Variants in NUP210 observed in about 807,000 individuals in gnomAD.
The protein encoded by NUP210 is nuclear pore membrane glycoprotein 210.
NUP210 carries 151 observed loss-of-function variants against 196.0 expected under a neutral mutation model. That is an observed-to-expected ratio of 0.77 (90% CI 0.67 to 0.88). The LOEUF (loss-of-function observed/expected upper bound fraction) is 0.88, where lower values mean the gene tolerates loss of function less well. Among genes scored for constraint, NUP210 ranks in the 40% least tolerant of loss-of-function variants. The pLI is 0.00. For missense variants in NUP210, 2,314 were observed against 2,493.7 expected (o/e 0.93, Z 1.53); for synonymous variants, 1,070 against 1,052.7 (o/e 1.02, Z -0.32).
At chr3:13,358,892 C>T (rs914749754) in intron 15 of NUP210, among the ~76,000 whole-genome samples, 5 of 152,182 alleles carry the variant, frequency 3.3e-5, no homozygotes, top group African/African-American at 9.7e-5. Flanking sequence ...GCCTGCCCTC[C>T]GCCTGCTCAT....
At chr3:13,380,743 G>A (rs938583829) in intron 6 of NUP210, among the ~76,000 whole-genome samples, 1 of 152,178 alleles carries the variant, frequency 6.6e-6, no homozygotes, top group Non-Finnish European at 1.5e-5. Flanking sequence ...CCCATAGAGG[G>A]TGCCAGGTCA....
At chr3:13,387,577 C>T (rs75596572) in intron 5 of NUP210, among the ~76,000 whole-genome samples, 1,726 of 152,340 alleles carry the variant, frequency 0.011, 12 homozygotes, top group South Asian at 0.057. Context: ...AGGATTTCTC[C>T]GTCTGCCACT....
Position 13,325,612 on chromosome 3 carries a change from A to C in NUP210, c.4644+183T>G, listed in dbSNP as rs74857870. 6.4e-4 allele frequency among the ~76,000 whole-genome samples: 98 copies of C among 152,262 alleles called. 4 individuals are homozygous for C. In the East Asian group the frequency reaches 0.016, roughly 25 times the overall value. On this transcript the variant is annotated intron_variant, in intron 33 of 39. Coordinates refer to ENST00000254508, the MANE Select transcript of NUP210 (RefSeq NM_024923.4). ...GAACATGGGGAGACTGAAGCCTGGA[A>C]AAAAAAGGGAGCTTGTCCCCATGTC...
intron 1 of NUP210, among the ~76,000 whole-genome samples, chr3:13,410,426 C>T (rs887547873): frequency 2.6e-5 from 4 of 151,364 alleles, no homozygotes; most frequent in African/African-American, 7.3e-5. Flanking sequence ...GATCCGCCCA[C>T]CTTGGCCTCC....
chr3:13,344,628 C>T (rs1342363829), intron 20 of NUP210, among the ~76,000 whole-genome samples: 1 of 152,226 alleles, frequency 6.6e-6, no homozygotes, highest in Non-Finnish European at 1.5e-5. Flanking sequence ...ATCAACCCCT[C>T]AACAGCTGCC....
intron 3 of NUP210, among the ~76,000 whole-genome samples, chr3:13,394,250 AG>A (rs1197216019): frequency 6.6e-6 from 1 of 152,190 alleles, no homozygotes; most frequent in Non-Finnish European, 1.5e-5. Context: ...AAAGGTGAGG[AG>A]GGGGCATCTT....
intron 12 of NUP210, among the ~76,000 whole-genome samples, chr3:13,372,526 CCA>C (rs1698765464): frequency 6.6e-6 from 1 of 152,120 alleles, no homozygotes; most frequent in Non-Finnish European, 1.5e-5. Flanking sequence ...TTGGAAAGCC[CCA>C]GAGAGAGATG....
Position 13,343,318 on chromosome 3 carries a change from C to CG in NUP210, c.2836-16dup. ...AAAGGGTGCACCTGCAAGGTTGGGG[C>CG]GGAGGTGGAGGGGTGGGTGGTGGGT... On this transcript the variant is annotated splice_polypyrimidine_tract_variant and intron_variant, in intron 20 of 39. Coordinates refer to ENST00000254508, the MANE Select transcript of NUP210 (RefSeq NM_024923.4). 2.0e-5 allele frequency: 4 copies of CG among 199,144 alleles called. No individual in the cohort carries two copies. Among genetic ancestry groups the CG allele is most frequent in the South Asian group, 7.8e-5 (2 of 25,668 alleles). 12.3% of individuals were successfully genotyped at this position (199,144 alleles called of 1,614,324 possible).
chr3:13,375,626 T>A lies in NUP210; in HGVS notation c.1309A>T (p.Ile437Leu), dbSNP rs112846887. 1,002 of 1,613,814 alleles carry A rather than the reference T, an allele frequency of 6.2e-4. 2 individuals carry two copies. Among genetic ancestry groups the A allele is most frequent in the Non-Finnish European group, 3.9e-4 (463 of 1,179,984 alleles). The change falls in exon 11 of 40, where the codon ATA (isoleucine) becomes TTA (leucine). Residue 437 changes from isoleucine to leucine, a missense_variant. Physicochemically the swap from Ile to Leu is conservative, Grantham distance 5 (BLOSUM62 2). Transcript: ENST00000254508. Reference sequence around the variant, plus strand: ...TGGTTCCACACAGGCACCTGTAGTATGTGGACCCCTCCATCCTACAAGGGG... The same window carrying A: ...TGGTTCCACACAGGCACCTGTAGTAAGTGGACCCCTCCATCCTACAAGGGG... ...SVVDQDGGVH[I>L]LQVPVWNQQE... is the part of the protein sequence containing the mutation.
intron 12 of NUP210, among the ~76,000 whole-genome samples, chr3:13,373,191 G>C (rs1446030339): frequency 6.6e-6 from 1 of 152,206 alleles, no homozygotes; most frequent in African/African-American, 2.4e-5. Flanking sequence ...GCCACAGGTG[G>C]GGCTGGCAGA....
chr3:13,321,677 A>G lies in NUP210; in HGVS notation c.5074T>C (p.Phe1692Leu), dbSNP rs200164609. 1.2e-6 allele frequency: 2 copies of G among 1,614,152 alleles called. No individual in the cohort carries two copies. Among genetic ancestry groups the G allele is most frequent in the African/African-American group, 2.7e-5 (2 of 75,050 alleles). The change falls in exon 36 of 40, where the codon TTC becomes CTC. Residue 1692 changes from phenylalanine to leucine, a missense_variant. Physicochemically the swap from Phe to Leu is conservative, Grantham distance 22. Transcript: ENST00000254508. ...GAEVPFSPGL[F>L]ADQAEILLSN... ...AAAAGGATTTCAGCCTGGTCGGCGA[A>G]GAGACCTGGGCTGAAGGGCACCTCG...
At chr3:13,326,585 A>G (rs192877420) in intron 32 of NUP210, among the ~76,000 whole-genome samples, 58 of 152,368 alleles carry the variant, frequency 3.8e-4, no homozygotes, top group Admixed American at 2.6e-3. Context: ...TAAGTAAATA[A>G]TTGTACACGT....
chr3:13,320,254 G>T (rs184444489), intron 36 of NUP210, among the ~76,000 whole-genome samples: 30 of 152,260 alleles, frequency 2.0e-4, no homozygotes, highest in Non-Finnish European at 3.7e-4. Flanking sequence ...CCATACTCAG[G>T]GTGTTTTTTG....
At chr3:13,415,340 C>A (rs9817766) in intron 1 of NUP210, among the ~76,000 whole-genome samples, 1 of 152,108 alleles carries the variant, frequency 6.6e-6, no homozygotes, top group Non-Finnish European at 1.5e-5. Flanking sequence ...TCAGGCAGGA[C>A]GGGTCTTCAC....
At chr3:13,335,140 G>C (rs1697157668) in intron 28 of NUP210, among the ~76,000 whole-genome samples, 1 of 152,236 alleles carries the variant, frequency 6.6e-6, no homozygotes, top group Non-Finnish European at 1.5e-5. Flanking sequence ...CAGACACAGT[G>C]AGCCCCAAGC....
At chr3:13,388,645 C>T (rs1382796106) in intron 4 of NUP210, among the ~76,000 whole-genome samples, 192 bp from the exon 5 acceptor site, 2 of 152,370 alleles carry the variant, frequency 1.3e-5, no homozygotes, top group South Asian at 2.1e-4. Context: ...TGCCAAAGTC[C>T]TTGTGAAAAA....
chr3:13,363,381 C>G (rs1279431110), intron 14 of NUP210, among the ~76,000 whole-genome samples: 1 of 152,212 alleles, frequency 6.6e-6, no homozygotes, highest in Non-Finnish European at 1.5e-5. Flanking sequence ...TGTATCTTGC[C>G]AAAGACATTT....
At chr3:13,399,214 C>A (rs1326756220) in intron 2 of NUP210, among the ~76,000 whole-genome samples, 2 of 135,750 alleles carry the variant, frequency 1.5e-5, no homozygotes, top group Non-Finnish European at 3.0e-5. Context: ...TGCAGTGAGC[C>A]AAGATCGCGC....
Position 13,340,253 on chromosome 3 carries a change from T to C in NUP210, c.3274A>G (p.Ile1092Val), listed in dbSNP as rs755742525. The part of the protein sequence containing the change: ...RLMPRKVTLL[I>V]GATMQVTSEG... ...GCTCTCACCTGCATCGTGGCCCCGA[T>C]AAGCAGTGTCACCTTCCTGGGCATC... Residue 1092 changes from isoleucine to valine, a missense_variant, in exon 24 of 40, where the codon ATC (isoleucine) becomes GTC (valine). By Grantham distance (29) the Ile-to-Val change is conservative. Transcript: ENST00000254508. The surrounding 1 kb of genome is among the most constrained non-coding windows in gnomAD (Gnocchi z 4.0). 1.9e-6 allele frequency: 3 copies of C among 1,613,452 alleles called. No individual in the cohort carries two copies. Among genetic ancestry groups the C allele is most frequent in the Non-Finnish European group, 2.5e-6 (3 of 1,180,020 alleles).
Sources: allele counts gnomAD v4.1 joint callset (sites outside exome capture counted in the v4.1 genomes callset), GRCh38; gene constraint gnomAD v4.1.1; non-coding constraint Gnocchi (gnomAD v3.1); transcripts MANE v1.5; gene names NCBI Gene and HGNC (gene_info 2026-07-23, HGNC 2026-07-21).